Variants in CCDC30 observed in about 807,000 individuals in gnomAD.
The protein encoded by CCDC30 is coiled-coil domain-containing protein 30.
A neutral mutation model predicts 100.2 loss-of-function variants in CCDC30; 70 were observed. That is an observed-to-expected ratio of 0.70 (90% CI 0.58 to 0.85). CCDC30 has a LOEUF of 0.85. CCDC30 is among the 40% of genes least tolerant of loss of function. CCDC30 has a pLI of 0.00. For missense variants in CCDC30, 652 were observed against 771.2 expected, an observed-to-expected ratio of 0.85 and a Z score of 1.83; for synonymous variants, 233 against 269.5, an observed-to-expected ratio of 0.86 and a Z score of 1.33.
At chr1:42,549,246 A>G (rs148924545) in intron 6 of CCDC30, among the ~76,000 whole-genome samples, 4,302 of 152,264 alleles carry the variant, frequency 0.028, 118 homozygotes, top group South Asian at 0.093. Context: ...TTTTAATTCA[A>G]TAAAGGGTCC....
chr1:42,589,112 A>C (rs999794158), intron 9 of CCDC30, among the ~76,000 whole-genome samples: 1 of 152,082 alleles, frequency 6.6e-6, no homozygotes, highest in African/African-American at 2.4e-5. Context: ...CTTTTTCCTC[A>C]TAGGGTCATT....
At position 42,610,844 on chromosome 1, in the gene CCDC30, G is replaced by A. The variant is rs149692043; in HGVS notation, c.1165-134G>A. 120 of 522,778 alleles carry A rather than the reference G, an allele frequency of 2.3e-4. 1 individual carries two copies. Among genetic ancestry groups the A allele is most frequent in the African/African-American group, 2.1e-3 (106 of 50,876 alleles). The allele number at this position is 522,778 out of a possible 1,614,324, so 32.4% of individuals were successfully genotyped here. On this transcript the variant is annotated intron_variant, in intron 10 of 16. Transcript: ENST00000668663. ...GAAAATCTGGAAGTACAGGAATCCCGTGAAGCTACTATGATCTCAGAAGCA... is the reference window on the plus strand; with the variant it reads ...GAAAATCTGGAAGTACAGGAATCCCATGAAGCTACTATGATCTCAGAAGCA...
chr1:42,572,868 C>A (rs1385480315), intron 7 of CCDC30, among the ~76,000 whole-genome samples: 1 of 152,196 alleles, frequency 6.6e-6, no homozygotes, highest in Admixed American at 6.5e-5. Context: ...ATCTGCCCAC[C>A]TCAGCCTCCC....
At chr1:42,542,394 G>T (rs1158690878) in intron 6 of CCDC30, among the ~76,000 whole-genome samples, 3 of 151,680 alleles carry the variant, frequency 2.0e-5, no homozygotes, top group Non-Finnish European at 4.4e-5. Context: ...CTGAGATGAG[G>T]TCTCTCTATC....
chr1:42,586,959 T>A (rs994627359), intron 9 of CCDC30, among the ~76,000 whole-genome samples: 3 of 152,158 alleles, frequency 2.0e-5, no homozygotes, highest in Non-Finnish European at 4.4e-5. Context: ...ACTTCTCGCA[T>A]ATTCTTGAGT....
chr1:42,531,816 T>C (rs957547762), intron 6 of CCDC30, among the ~76,000 whole-genome samples: 6 of 152,214 alleles, frequency 3.9e-5, no homozygotes, highest in African/African-American at 1.2e-4. Context: ...CAAATACAGA[T>C]AGAAACTAAT....
rs181460822 is a variant in CCDC30 at position 42,533,008 on chromosome 1, C to T, written c.457-33288C>T. 3.1e-3 allele frequency among the ~76,000 whole-genome samples: 479 copies of T among 152,306 alleles called. 2 individuals are homozygous for T. Among genetic ancestry groups the T allele is most frequent in the Admixed American group, 7.1e-3 (109 of 15,300 alleles). On this transcript the variant is annotated intron_variant, in intron 6 of 16. Coordinates refer to ENST00000668663, the Ensembl canonical transcript of CCDC30. ...TCCTGACCTCGTGATCCACCCGCCTCGGCCTCCCAAAGTGCTGGGATTACA... is the reference window on the plus strand; with the variant it reads ...TCCTGACCTCGTGATCCACCCGCCTTGGCCTCCCAAAGTGCTGGGATTACA...
intron 7 of CCDC30, among the ~76,000 whole-genome samples, chr1:42,569,844 GAA>G (rs2148571343): frequency 6.6e-6 from 1 of 152,292 alleles, no homozygotes; most frequent in South Asian, 2.1e-4. Context: ...GATGAAGCTG[GAA>G]ACCATCATTC....
chr1:42,471,033 A>G (rs1280642304), intron 1 of CCDC30, among the ~76,000 whole-genome samples: 2 of 152,248 alleles, frequency 1.3e-5, no homozygotes, highest in Admixed American at 6.5e-5. Flanking sequence ...CATGGAGTTT[A>G]GGATGGCAGG....
At chr1:42,491,771 A>C in intron 4 of CCDC30, 1 of 295,780 alleles carries the variant, frequency 3.4e-6, no homozygotes, top group Non-Finnish European at 6.6e-6. Context: ...ACCTTATGAA[A>C]GGTGGCAAAA....
At chr1:42,578,570 CA>C (rs1645892249) in intron 8 of CCDC30, among the ~76,000 whole-genome samples, 1 of 152,030 alleles carries the variant, frequency 6.6e-6, no homozygotes, top group Non-Finnish European at 1.5e-5. Flanking sequence ...TAAAGATTGG[CA>C]AGATTTTAAA....
chr1:42,582,759 G>A (rs1645992891), intron 9 of CCDC30, among the ~76,000 whole-genome samples: 1 of 152,068 alleles, frequency 6.6e-6, no homozygotes. Flanking sequence ...TCCTCCTCTT[G>A]GTAGCCATTT....
chr1:42,558,216 T>C (rs142865917), intron 6 of CCDC30: 45 of 209,504 alleles, frequency 2.1e-4, no homozygotes, highest in Middle Eastern at 1.4e-3. Context: ...CTAAAACTTT[T>C]GGGCCTTTGT....
At chr1:42,496,069 A>T (rs1284150035) in intron 4 of CCDC30, among the ~76,000 whole-genome samples, 1 of 151,932 alleles carries the variant, frequency 6.6e-6, no homozygotes. Flanking sequence ...TGAATAAGGC[A>T]AGTTGTAGAG....
intron 4 of CCDC30, among the ~76,000 whole-genome samples, chr1:42,496,831 A>G (rs1644239831): frequency 6.6e-6 from 1 of 152,142 alleles, no homozygotes; most frequent in Non-Finnish European, 1.5e-5. Flanking sequence ...TATTGCTGCA[A>G]ACCCTACACT....
At chr1:42,640,437 A>T (rs1409312881) in intron 12 of CCDC30, among the ~76,000 whole-genome samples, 1 of 152,178 alleles carries the variant, frequency 6.6e-6, no homozygotes, top group Non-Finnish European at 1.5e-5. Context: ...CTGTGGGATG[A>T]TTGCTTCTAT....
intron 3 of CCDC30, chr1:42,489,840 A>C (rs1644109967): frequency 5.9e-6 from 1 of 168,908 alleles, no homozygotes; most frequent in Admixed American, 6.3e-5. Context: ...AACTGGTAGT[A>C]CCATACCTAA....
chr1:42,579,621 C>T (rs1050968236), intron 8 of CCDC30, among the ~76,000 whole-genome samples: 33 of 149,970 alleles, frequency 2.2e-4, no homozygotes, highest in Admixed American at 1.1e-3. Flanking sequence ...GTGACAAGAG[C>T]GAAACTCTGT....
chr1:42,551,964 C>T (rs1364912176), intron 6 of CCDC30, among the ~76,000 whole-genome samples: 1 of 152,004 alleles, frequency 6.6e-6, no homozygotes, highest in Non-Finnish European at 1.5e-5. Context: ...GGAGGTTTCC[C>T]TATGTTGCCC....
Sources: allele counts gnomAD v4.1 joint callset (sites outside exome capture counted in the v4.1 genomes callset), GRCh38; gene constraint gnomAD v4.1.1; transcripts MANE v1.5; gene names NCBI Gene and HGNC (gene_info 2026-07-23, HGNC 2026-07-21).